The following NKAIN2 variants were observed in gnomAD, a reference collection of about 807,000 sequenced individuals.
NKAIN2 encodes the protein sodium/potassium-transporting ATPase subunit beta-1-interacting protein 2.
Under a neutral mutation model 32.6 loss-of-function variants are expected in NKAIN2, and 14 were observed. The ratio of observed to expected loss-of-function variants is 0.43; its 90% CI spans 0.28 to 0.67. The LOEUF (loss-of-function observed/expected upper bound fraction) is 0.67. NKAIN2 is among the 30% of genes least tolerant of loss of function. The pLI is 0.17. For missense variants in NKAIN2, 198 were observed against 258.3 expected (o/e 0.77, Z 1.60); for synonymous variants, 80 against 87.2 (o/e 0.92, Z 0.46).
chr6:123,954,970 T>C (rs1410512631), intron 1 of NKAIN2, among the ~76,000 whole-genome samples: 1 of 151,536 alleles, frequency 6.6e-6, no homozygotes, highest in Non-Finnish European at 1.5e-5. Context: ...TTGCAGGGTG[T>C]ACTGAGCTGG....
chr6:124,161,824 A>C (rs1415074408), intron 1 of NKAIN2, among the ~76,000 whole-genome samples: 2 of 152,072 alleles, frequency 1.3e-5, no homozygotes, highest in African/African-American at 4.8e-5. Flanking sequence ...GAAAGGATTG[A>C]AAAACTGTTG....
At chr6:123,911,812 T>TATATATACACAC (rs1331943561) in intron 1 of NKAIN2, among the ~76,000 whole-genome samples, 19 of 85,010 alleles carry the variant, frequency 2.2e-4, no homozygotes, top group African/African-American at 8.7e-4. Context: ...TATATATATA[T>TATATATACACAC]ACACACACAC....
Position 124,167,897 on chromosome 6 carries a change from A to G in NKAIN2, c.55-115108A>G, listed in dbSNP as rs141251133. ...TTTATGTACTTAGGTAGCCTCTTGA[A>G]TTGAGCTCCTGAAACTTTGCAATGT... is the stretch of plus-strand genomic sequence containing the variant. On this transcript the variant is annotated intron_variant, in intron 1 of 6. Transcript: ENST00000368417. Among the ~76,000 whole-genome samples, 267 of 152,254 alleles carry G rather than the reference A, an allele frequency of 1.8e-3. 2 individuals carry two copies. Among genetic ancestry groups the G allele is most frequent in the African/African-American group, 6.1e-3 (254 of 41,570 alleles).
At chr6:124,713,219 C>G (rs1289094838) in intron 4 of NKAIN2, among the ~76,000 whole-genome samples, 1 of 152,090 alleles carries the variant, frequency 6.6e-6, no homozygotes, top group East Asian at 1.9e-4. Flanking sequence ...TAAGACTCAA[C>G]AAGATTAAAT....
intron 1 of NKAIN2, among the ~76,000 whole-genome samples, chr6:123,867,805 A>G (rs560172483): frequency 1.8e-4 from 27 of 151,954 alleles, no homozygotes; most frequent in African/African-American, 6.5e-4. Context: ...TGCTATTGAA[A>G]TGAAAGCTTT....
chr6:123,993,174 T>A (rs926873331), intron 1 of NKAIN2, among the ~76,000 whole-genome samples: 5 of 152,178 alleles, frequency 3.3e-5, no homozygotes, highest in African/African-American at 1.2e-4. Flanking sequence ...CTTAATAGAA[T>A]TCTTAAGGCA....
chr6:124,437,871 G>GTTTTTTTTT (rs751652394), intron 3 of NKAIN2: 8 of 345,726 alleles, frequency 2.3e-5, no homozygotes, highest in African/African-American at 1.4e-4. Context: ...CTGATCTATT[G>GTTTTTTTTT]ATTTTTTTTT....
At chr6:124,411,337 G>A (rs1241067124) in intron 3 of NKAIN2, among the ~76,000 whole-genome samples, 77 of 151,374 alleles carry the variant, frequency 5.1e-4, no homozygotes, top group Non-Finnish European at 1.0e-3. Context: ...TCCTTTCCAT[G>A]TTTAGTGCTT....
chr6:123,981,235 A>C (rs978021733), intron 1 of NKAIN2, among the ~76,000 whole-genome samples: 1 of 152,296 alleles, frequency 6.6e-6, no homozygotes, highest in African/African-American at 2.4e-5. Flanking sequence ...TAGTTGCTAC[A>C]TGAAGAGGGT....
At chr6:124,512,581 C>T (rs571002255) in intron 3 of NKAIN2, among the ~76,000 whole-genome samples, 7 of 152,234 alleles carry the variant, frequency 4.6e-5, no homozygotes, top group East Asian at 1.9e-4. Flanking sequence ...ATCCTCCCAC[C>T]GACTAACAGG....
intron 4 of NKAIN2, among the ~76,000 whole-genome samples, chr6:124,760,607 C>T (rs1012328492): frequency 4.0e-5 from 6 of 151,690 alleles, no homozygotes; most frequent in African/African-American, 1.5e-4. Context: ...ATTTTTTTTG[C>T]TGTTTAGGAG....
chr6:124,492,441 G>C (rs1302686012), intron 3 of NKAIN2, among the ~76,000 whole-genome samples: 1 of 151,868 alleles, frequency 6.6e-6, no homozygotes, highest in Non-Finnish European at 1.5e-5. Context: ...TCAGGATTTA[G>C]AAAATATCAG....
At chr6:124,207,509 T>C (rs193123422) in intron 1 of NKAIN2, among the ~76,000 whole-genome samples, 1 of 151,078 alleles carries the variant, frequency 6.6e-6, no homozygotes, top group Admixed American at 6.7e-5. Flanking sequence ...TTTTACAGTT[T>C]TACTATAGCA....
chr6:124,563,152 C>G (rs1400288247), intron 3 of NKAIN2, among the ~76,000 whole-genome samples: 2 of 152,174 alleles, frequency 1.3e-5, no homozygotes. Context: ...AATCTGCCCC[C>G]CTTGGCCTCC....
intron 3 of NKAIN2, among the ~76,000 whole-genome samples, chr6:124,506,447 G>C (rs1778484041): frequency 6.6e-6 from 1 of 152,174 alleles, no homozygotes; most frequent in African/African-American, 2.4e-5. Flanking sequence ...AGTGAGAATG[G>C]ATTGGGCTCA....
At chr6:123,939,037 T>A (rs1422045815) in intron 1 of NKAIN2, among the ~76,000 whole-genome samples, 1 of 151,948 alleles carries the variant, frequency 6.6e-6, no homozygotes, top group Non-Finnish European at 1.5e-5. Flanking sequence ...ATAGCTGTAG[T>A]TGATTTTCAG....
intron 1 of NKAIN2, among the ~76,000 whole-genome samples, chr6:124,057,276 A>G (rs1341579208): frequency 1.3e-5 from 2 of 152,074 alleles, no homozygotes; most frequent in Admixed American, 6.6e-5. Flanking sequence ...GTTCTCATTC[A>G]TCCCTCCAAC....
chr6:124,661,891 G>T (rs574062303), intron 4 of NKAIN2, among the ~76,000 whole-genome samples: 1 of 82,732 alleles, frequency 1.2e-5, no homozygotes, highest in African/African-American at 6.0e-5. Context: ...AAATTAATCG[G>T]ATCCTTTCAA....
intron 4 of NKAIN2, among the ~76,000 whole-genome samples, chr6:124,750,317 C>A (rs934503909): frequency 1.3e-5 from 2 of 151,924 alleles, no homozygotes; most frequent in Admixed American, 1.3e-4. Flanking sequence ...GATTCTCAAC[C>A]TTGAGTCTTC....
Sources: gnomAD v4.1 joint callset for allele counts (sites outside exome capture counted in the v4.1 genomes callset) on GRCh38, gnomAD v4.1.1 for gene constraint, MANE v1.5 for transcripts, NCBI Gene and HGNC (gene_info 2026-07-23, HGNC 2026-07-21) for gene names.